NFATC2: variants seen among roughly 807,000 people sequenced by gnomAD.
The protein encoded by NFATC2 is nuclear factor of activated T-cells, cytoplasmic 2.
A neutral mutation model predicts 87.3 loss-of-function variants in NFATC2; 22 were observed. The ratio of observed to expected loss-of-function variants is 0.25; its 90% CI spans 0.18 to 0.36. The LOEUF is 0.36. Among genes scored for constraint, NFATC2 ranks in the 10% least tolerant of loss-of-function variants. NFATC2 has a pLI of 1.00. For missense variants in NFATC2, 1,149 were observed against 1,259.1 expected, an observed-to-expected ratio of 0.91 and a Z score of 1.32; for synonymous variants, 565 against 542.2, an observed-to-expected ratio of 1.04 and a Z score of -0.58.
intron 9 of NFATC2, among the ~76,000 whole-genome samples, chr20:51,405,836 A>G (rs1435929417): frequency 6.6e-6 from 1 of 152,106 alleles, no homozygotes; most frequent in Non-Finnish European, 1.5e-5. Flanking sequence ...CTGGCTTTCA[A>G]CTGTCTCCCA....
intron 3 of NFATC2, 149 bp downstream of exon 3, chr20:51,516,635 C>T (rs955670864): frequency 4.6e-5 from 34 of 736,322 alleles, no homozygotes; most frequent in Non-Finnish European, 6.0e-5. Flanking sequence ...GCTTCTAATG[C>T]TAATTTAATC....
chr20:51,519,947 G>C (rs2076417638), intron 2 of NFATC2, among the ~76,000 whole-genome samples: 2 of 151,550 alleles, frequency 1.3e-5, no homozygotes, highest in Non-Finnish European at 2.9e-5. Flanking sequence ...AAAAGAAGTA[G>C]AGCATCAGAG....
intron 1 of NFATC2, among the ~76,000 whole-genome samples, chr20:51,550,279 C>T (rs2076922029): frequency 6.6e-6 from 1 of 152,010 alleles, no homozygotes; most frequent in Non-Finnish European, 1.5e-5. Context: ...AGAGTAAGAC[C>T]CCATGTCTAA....
In NFATC2 at chr20:51,456,735, C is replaced by T. The variant is rs890537397; in HGVS notation, c.1709-2047G>A. ...CCATGGCAGGAGCCTACGGACCTCCCCATCCGCGAGCCTGGGCAGCAACCG... is the reference window on the plus strand; with the variant it reads ...CCATGGCAGGAGCCTACGGACCTCCTCATCCGCGAGCCTGGGCAGCAACCG... On this transcript the variant is annotated intron_variant, in intron 5 of 10. Coordinates refer to ENST00000371564, the MANE Select transcript of NFATC2 (RefSeq NM_012340.5). 9.2e-5 allele frequency among the ~76,000 whole-genome samples: 14 copies of T among 152,364 alleles called. 2 individuals are homozygous for T. The highest frequency in any genetic ancestry group is 2.0e-4 in the Admixed American group (3 of 15,310).
intron 1 of NFATC2, among the ~76,000 whole-genome samples, chr20:51,553,405 G>A (rs1200520069): frequency 6.6e-6 from 1 of 151,888 alleles, no homozygotes; most frequent in Non-Finnish European, 1.5e-5. Flanking sequence ...GCTGGGCGCG[G>A]TGGCTCACGC....
At chr20:51,457,952 C>G (rs1009478900) in intron 5 of NFATC2, among the ~76,000 whole-genome samples, 19 of 149,428 alleles carry the variant, frequency 1.3e-4, no homozygotes, top group Non-Finnish European at 2.2e-4. Flanking sequence ...GTGGTGGCAT[C>G]ACGGCTCACT....
At chr20:51,507,711 C>T (rs2076207720) in intron 3 of NFATC2, among the ~76,000 whole-genome samples, 1 of 152,218 alleles carries the variant, frequency 6.6e-6, no homozygotes, top group Non-Finnish European at 1.5e-5. Flanking sequence ...CGTCTACTTC[C>T]AAGAGGCAGC....
At chr20:51,419,146 G>T (rs1013941480) in intron 9 of NFATC2, among the ~76,000 whole-genome samples, 1 of 152,178 alleles carries the variant, frequency 6.6e-6, no homozygotes, top group African/African-American at 2.4e-5. Flanking sequence ...AAACTCCTAA[G>T]AATATCAAGT....
At position 51,454,666 on chromosome 20, in the gene NFATC2, C is replaced by A. The variant is rs755085105; in HGVS notation, c.1731G>T (p.Leu577=). 4 of 1,613,898 alleles carry A rather than the reference C, an allele frequency of 2.5e-6. No homozygotes were observed. In the African/African-American group the frequency reaches 5.3e-5, roughly 22 times the overall value. ...CTGTGTCTTGTCTTTCAACCATGGG[C>A]AGCTCGTGAGCAGATCGCTGGGCTG... ...IECSQRSAHE[L]PMVERQDTDS... is the part of the protein sequence containing the mutation. Residue 577 remains leucine, a synonymous_variant, in exon 6 of 11, where the codon CTG becomes CTT. Transcript: ENST00000371564.
chr20:51,431,982 T>G, intron 9 of NFATC2, 85 bp downstream of exon 9: 1 of 1,372,364 alleles, frequency 7.3e-7, no homozygotes, highest in South Asian at 1.6e-5. Flanking sequence ...GATTACGGAA[T>G]CCGTAGGCCA....
At chr20:51,393,653 C>T (rs1986637621) in intron 10 of NFATC2, among the ~76,000 whole-genome samples, 1 of 152,266 alleles carries the variant, frequency 6.6e-6, no homozygotes, top group South Asian at 2.1e-4. Flanking sequence ...GCTGACCATG[C>T]TGTGTAGGAC....
chr20:51,453,587 T>A (rs1986062358), intron 6 of NFATC2, among the ~76,000 whole-genome samples: 1 of 152,246 alleles, frequency 6.6e-6, no homozygotes, highest in Admixed American at 6.5e-5. Flanking sequence ...TTGCTTAATC[T>A]GATATTTTCC....
intron 5 of NFATC2, among the ~76,000 whole-genome samples, chr20:51,464,531 T>C (rs1043559517): frequency 1.3e-5 from 2 of 152,220 alleles, no homozygotes; most frequent in Non-Finnish European, 2.9e-5. Context: ...ACTTCTGAAA[T>C]AGGGCTTCTT....
intron 6 of NFATC2, among the ~76,000 whole-genome samples, chr20:51,439,257 A>G (rs1177783288): frequency 1.3e-5 from 2 of 152,160 alleles, no homozygotes; most frequent in African/African-American, 4.8e-5. Flanking sequence ...CACCTCGTAT[A>G]CATGGGCTTG....
intron 3 of NFATC2, among the ~76,000 whole-genome samples, chr20:51,486,633 C>A (rs1354375828): frequency 1.3e-4 from 17 of 127,424 alleles, no homozygotes; most frequent in African/African-American, 5.1e-4. Flanking sequence ...CATCACCATG[C>A]CTCAGCACCT....
At chr20:51,421,454 C>A (rs535478643) in intron 9 of NFATC2, among the ~76,000 whole-genome samples, 1 of 152,072 alleles carries the variant, frequency 6.6e-6, no homozygotes, top group Non-Finnish European at 1.5e-5. Context: ...CAGATAGGAA[C>A]CCTGAATGAG....
intron 5 of NFATC2, among the ~76,000 whole-genome samples, chr20:51,457,912 G>A (rs548313334): frequency 9.6e-5 from 14 of 145,512 alleles, no homozygotes; most frequent in African/African-American, 3.6e-4. Flanking sequence ...TTGAGACATG[G>A]TCTTGCTCTG....
upstream of NFATC2, among the ~76,000 whole-genome samples, chr20:51,546,827 T>C (rs185264762): frequency 7.2e-5 from 11 of 152,242 alleles, no homozygotes; most frequent in Admixed American, 2.6e-4. Flanking sequence ...GGAGGCGATG[T>C]TTAAGCTGGG....
At chr20:51,490,739 G>GA (rs2146581267) in intron 3 of NFATC2, among the ~76,000 whole-genome samples, 1 of 152,256 alleles carries the variant, frequency 6.6e-6, no homozygotes, top group East Asian at 1.9e-4. Context: ...AAGGTTATTT[G>GA]AGCCCGGGAG....
Sources: gnomAD v4.1 joint callset for allele counts (sites outside exome capture counted in the v4.1 genomes callset) on GRCh38, gnomAD v4.1.1 for gene constraint, MANE v1.5 for transcripts, NCBI Gene and HGNC (gene_info 2026-07-23, HGNC 2026-07-21) for gene names.